Variants in SENP5 observed in about 807,000 individuals in gnomAD.
SENP5 encodes SUMO specific peptidase 5.
Under a neutral mutation model 74.2 loss-of-function variants are expected in SENP5, and 21 were observed. The observed-to-expected ratio is 0.28, with a 90% CI of 0.20 to 0.41. The LOEUF (loss-of-function observed/expected upper bound fraction) is 0.41. Ranked by LOEUF, SENP5 falls within the 10% of genes least tolerant of loss-of-function variation. The pLI is 1.00. For synonymous variants in SENP5, 311 were observed against 312.7 expected, an observed-to-expected ratio of 0.99 and a Z score of 0.06; for missense variants, 717 against 889.1, an observed-to-expected ratio of 0.81 and a Z score of 2.46.
At position 196,933,998 on chromosome 3, in the gene SENP5, G is replaced by A. The variant is rs1469182388; in HGVS notation, c.*3075G>A. 2 of 152,206 alleles carry A rather than the reference G, an allele frequency of 1.3e-5. No homozygotes were observed. Among genetic ancestry groups the A allele is most frequent in the Non-Finnish European group, 2.9e-5 (2 of 68,052 alleles). 9.4% of individuals were successfully genotyped at this position (152,206 alleles called of 1,614,324 possible). A position where few individuals can be genotyped will look rare whatever the true frequency, so the allele number is the denominator to read the frequency against. On this transcript the variant is annotated 3_prime_UTR_variant, in exon 10 of 10. Transcript: ENST00000323460. ...AAGCTGCCCAGTCCTCTCCTCAGCAGACGCATCAGGTTGTAGTTGCATCTT... is the reference window on the plus strand; with the variant it reads ...AAGCTGCCCAGTCCTCTCCTCAGCAAACGCATCAGGTTGTAGTTGCATCTT...
chr3:196,928,011 C>G, intron 8 of SENP5, 132 bp downstream of exon 8: 1 of 562,482 alleles, frequency 1.8e-6, no homozygotes. Context: ...AGGGAGGCAG[C>G]TGAGAATGAA....
At position 196,886,169 on chromosome 3, in the gene SENP5, G is replaced by C; in HGVS notation, c.988G>C (p.Gly330Arg). Residue 330 changes from glycine (G) to arginine (R), a missense_variant, in exon 2 of 10, where the codon GGA becomes CGA. Coordinates refer to ENST00000323460, the MANE Select transcript of SENP5 (RefSeq NM_152699.5). ...NSHVPDCHTK[G>R]SSFLGKELSL... ...TCATGTGCCTGATTGCCACACTAAA[G>C]GAAGCTCTTTCTTGGGCAAGGAGCT... The C allele has an allele frequency of 6.2e-7, 1 of 1,614,226 alleles. No homozygotes were observed. The highest frequency in any genetic ancestry group is 1.1e-5 in the South Asian group (1 of 91,086).
At chr3:196,899,886 T>G (rs76178058) in intron 3 of SENP5, 38 bp from the exon 4 acceptor site, 56 of 1,600,562 alleles carry the variant, frequency 3.5e-5, no homozygotes, top group Non-Finnish European at 4.6e-5. Context: ...AGTACTCATG[T>G]TTTTTTTACC....
chr3:196,885,672 C>T lies in SENP5; in HGVS notation c.491C>T (p.Ser164Phe), dbSNP rs1477235826. Residue 164 changes from serine to phenylalanine, a missense_variant, in exon 2 of 10, where the codon TCT (serine) becomes TTT (phenylalanine). By Grantham distance (155) the Ser-to-Phe change is radical. Transcript: ENST00000323460. ...AGACCTAGGACAGACCCACAACCTT[C>T]TGACTTTCCCATGAAGTTCAATGGG... The part of the protein sequence containing the change: ...GHRPRTDPQP[S>F]DFPMKFNGES... 1.2e-6 allele frequency: 2 copies of T among 1,614,228 alleles called. No homozygotes were observed. The highest frequency in any genetic ancestry group is 1.3e-5 in the African/African-American group (1 of 75,060).
At position 196,930,519 on chromosome 3, in the gene SENP5, G is replaced by A. The variant is rs184779477; in HGVS notation, c.2158-294G>A. Reference sequence around the variant, plus strand: ...AACCCCTGGGCCACGGACAGATACTGTCCACATTAGGTTCTCTTAGGAGTG... The same window carrying A: ...AACCCCTGGGCCACGGACAGATACTATCCACATTAGGTTCTCTTAGGAGTG... On this transcript the variant is annotated intron_variant, in intron 9 of 9. Coordinates refer to ENST00000323460, the MANE Select transcript of SENP5 (RefSeq NM_152699.5). 1.9e-4 allele frequency among the ~76,000 whole-genome samples: 29 copies of A among 152,302 alleles called. 1 individual carries two copies. The East Asian group carries it at 5.4e-3, about 28-fold the overall frequency.
At chr3:196,889,674 GA>G (rs1324889790) in intron 2 of SENP5, among the ~76,000 whole-genome samples, 1 of 152,128 alleles carries the variant, frequency 6.6e-6, no homozygotes, top group Admixed American at 6.6e-5. Flanking sequence ...CAAATCCATA[GA>G]AATTATGAAA....
At chr3:196,904,819 A>C (rs1285176618) in intron 6 of SENP5, 2 of 152,114 alleles carry the variant, frequency 1.3e-5, no homozygotes, top group Non-Finnish European at 2.9e-5. Context: ...ATAAAAATGA[A>C]GACATTAGAG....
intron 6 of SENP5, among the ~76,000 whole-genome samples, chr3:196,919,107 A>C (rs570642664): frequency 6.6e-6 from 1 of 152,328 alleles, no homozygotes; most frequent in African/African-American, 2.4e-5. Context: ...CAAAAACGGA[A>C]AAGAGCCAGA....
At chr3:196,901,071 A>G in intron 5 of SENP5, among the ~76,000 whole-genome samples, 1 of 143,610 alleles carries the variant, frequency 7.0e-6, no homozygotes, top group African/African-American at 2.6e-5. Context: ...TTTGAGACCG[A>G]GTCTTGCTCT....
At chr3:196,906,356 A>G (rs543217942) in intron 6 of SENP5, among the ~76,000 whole-genome samples, 1 of 152,356 alleles carries the variant, frequency 6.6e-6, no homozygotes, top group South Asian at 2.1e-4. Flanking sequence ...TAAAGAGGTA[A>G]GTAAAACAAT....
rs572785223 is a variant in SENP5 at position 196,876,609 on chromosome 3, G to A, written c.-32+8536G>A. Among the ~76,000 whole-genome samples the A allele has an allele frequency of 2.0e-5, 3 of 151,304 alleles. No individual in the cohort carries two copies. The East Asian group carries it at 5.8e-4, about 29-fold the overall frequency. On this transcript the variant is annotated intron_variant, in intron 1 of 9. Transcript: ENST00000323460. ...ATACACAAATTGGAAGACAAAGTCA[G>A]ATAGATGTGATGGCTCGTGTCTATA...
chr3:196,869,548 G>T (rs1713112055), intron 1 of SENP5, among the ~76,000 whole-genome samples: 1 of 151,536 alleles, frequency 6.6e-6, no homozygotes, highest in African/African-American at 2.4e-5. Context: ...ATCACCTGAG[G>T]TCGGGAGTTC....
rs1220209410 is a variant in SENP5, at chr3:196,932,429, C to A, written c.*1506C>A. 1 of 152,322 alleles carries A rather than the reference C, an allele frequency of 6.6e-6. No individual in the cohort carries two copies. Among genetic ancestry groups the A allele is most frequent in the Non-Finnish European group, 1.5e-5 (1 of 68,170 alleles). 9.4% of individuals were successfully genotyped at this position (152,322 alleles called of 1,614,324 possible). A position where few individuals can be genotyped will look rare whatever the true frequency, so the allele number is the denominator to read the frequency against. ...GCCAGCAGTTGAGGATTGAGTCCGACCATGTTTACATGCAGGGTTCCCAAC... is the reference window on the plus strand; with the variant it reads ...GCCAGCAGTTGAGGATTGAGTCCGAACATGTTTACATGCAGGGTTCCCAAC... On this transcript the variant is annotated 3_prime_UTR_variant, in exon 10 of 10. Coordinates refer to ENST00000323460, the MANE Select transcript of SENP5 (RefSeq NM_152699.5).
chr3:196,918,189 C>T (rs891863473), intron 6 of SENP5, among the ~76,000 whole-genome samples: 2 of 151,726 alleles, frequency 1.3e-5, no homozygotes, highest in Non-Finnish European at 2.9e-5. Flanking sequence ...CGCCTGTAGT[C>T]CCAGCTACTC....
chr3:196,915,233 A>C (rs1715322897), intron 6 of SENP5, among the ~76,000 whole-genome samples: 1 of 152,212 alleles, frequency 6.6e-6, no homozygotes, highest in Admixed American at 6.5e-5. Flanking sequence ...TGGGGTGCAC[A>C]CAACTCAGAC....
Position 196,900,406 on chromosome 3 carries a change from A to G in SENP5, c.1800A>G (p.Pro600=), listed in dbSNP as rs774101648. The G allele has an allele frequency of 1.9e-6, 3 of 1,606,842 alleles. No homozygotes were observed. Among genetic ancestry groups the G allele is most frequent in the Non-Finnish European group, 1.7e-6 (2 of 1,176,546 alleles). The change falls in exon 5 of 10, where the codon CCA becomes CCG. Residue 600 remains proline, a synonymous_variant. Coordinates refer to ENST00000323460, the MANE Select transcript of SENP5 (RefSeq NM_152699.5). ...MYGELIMDAV[P]DKVHFFNSFF... ...GTGAGCTGATAATGGATGCAGTCCCAGACAAAGTAAGTGAAAACTTCCTCT... is the reference window on the plus strand; with the variant it reads ...GTGAGCTGATAATGGATGCAGTCCCGGACAAAGTAAGTGAAAACTTCCTCT...
At chr3:196,926,955 T>C (rs771803558) in intron 7 of SENP5, among the ~76,000 whole-genome samples, 4 of 152,002 alleles carry the variant, frequency 2.6e-5, no homozygotes, top group African/African-American at 4.8e-5. Flanking sequence ...TGGTCCACTT[T>C]TGTTGGGGGG....
At chr3:196,907,412 C>A in intron 6 of SENP5, among the ~76,000 whole-genome samples, 1 of 145,672 alleles carries the variant, frequency 6.9e-6, no homozygotes. Context: ...GCCAAGATCG[C>A]ACCACTGCAC....
chr3:196,905,516 T>C (rs761225121), intron 6 of SENP5, among the ~76,000 whole-genome samples: 20 of 152,174 alleles, frequency 1.3e-4, no homozygotes, highest in Non-Finnish European at 2.4e-4. Context: ...GCCGCCCTCC[T>C]TGAATTTGAT....
Sources: gnomAD v4.1 joint callset for allele counts (sites outside exome capture counted in the v4.1 genomes callset) on GRCh38, gnomAD v4.1.1 for gene constraint, MANE v1.5 for transcripts, NCBI Gene and HGNC (gene_info 2026-07-23, HGNC 2026-07-21) for gene names.